The following SMARCAD1 variants were observed in gnomAD, a reference collection of about 807,000 sequenced individuals.
SMARCAD1 encodes the protein SWI/SNF-related matrix-associated actin-dependent regulator of chromatin subfamily A containing DEAD/H box 1.
SMARCAD1 carries 25 observed loss-of-function variants against 127.1 expected under a neutral mutation model. The ratio of observed to expected loss-of-function variants is 0.20; its 90% CI spans 0.14 to 0.27. SMARCAD1 has a LOEUF of 0.27. SMARCAD1 is among the 10% of genes least tolerant of loss of function. The probability of loss-of-function intolerance (pLI) is 1.00; values close to 1 mark genes in which losing one functional copy is unlikely to be tolerated. For synonymous variants in SMARCAD1, 400 were observed against 396.9 expected (o/e 1.01, Z -0.09); for missense variants, 807 against 1,206.0 (o/e 0.67, Z 4.90).
At chr4:94,239,280 A>G (rs1193567338) in intron 5 of SMARCAD1, among the ~76,000 whole-genome samples, 24 of 152,166 alleles carry the variant, frequency 1.6e-4, no homozygotes. Flanking sequence ...GACAGTTTTC[A>G]ACAAAAGACC....
chr4:94,210,886 A>G (rs567841764), intron 2 of SMARCAD1, among the ~76,000 whole-genome samples: 1 of 147,906 alleles, frequency 6.8e-6, no homozygotes, highest in Admixed American at 6.9e-5. Context: ...GTGAGCCTAG[A>G]TCACACCACT....
At chr4:94,211,633 TG>T (rs1742280328) in intron 2 of SMARCAD1, among the ~76,000 whole-genome samples, 1 of 152,198 alleles carries the variant, frequency 6.6e-6, no homozygotes, top group Admixed American at 6.5e-5. Flanking sequence ...TGACTAATCC[TG>T]TTATTTTATC....
At chr4:94,276,114 A>G (rs909232577) in intron 14 of SMARCAD1, among the ~76,000 whole-genome samples, 4 of 151,936 alleles carry the variant, frequency 2.6e-5, no homozygotes, top group Non-Finnish European at 5.9e-5. Flanking sequence ...ATTTTCTTTC[A>G]ATTATGTATT....
At position 94,278,628 on chromosome 4, in the gene SMARCAD1, T is replaced by C; in HGVS notation, c.2191T>C (p.Leu731=). 6.2e-7 allele frequency: 1 copy of C among 1,614,076 alleles called. No homozygotes were observed. ...RRVKEEVLKQ[L]PPKKDRIELC... is the part of the protein sequence containing the mutation. ...TTTTCTGTCTCAGGTTCTCAAGCAG[T>C]TACCCCCCAAGAAAGATCGAATTGA... is the stretch of plus-strand genomic sequence containing the variant. The change falls in exon 18 of 24, where the codon TTA becomes CTA. Residue 731 remains leucine, a synonymous_variant. Coordinates refer to ENST00000354268, the MANE Select transcript of SMARCAD1 (RefSeq NM_020159.5).
chr4:94,233,924 T>C (rs1298315161), intron 3 of SMARCAD1, 30 bp from the exon 4 acceptor site: 7 of 1,610,406 alleles, frequency 4.3e-6, no homozygotes, highest in South Asian at 2.2e-5. Flanking sequence ...ACATTAAAAA[T>C]GTTTTTTGCT....
At chr4:94,281,685 G>A in intron 21 of SMARCAD1, 95 bp downstream of exon 21, 1 of 853,784 alleles carries the variant, frequency 1.2e-6, no homozygotes, top group African/African-American at 1.7e-5. Context: ...GTATTTTGTT[G>A]TTTTTATGTT....
intron 2 of SMARCAD1, among the ~76,000 whole-genome samples, chr4:94,219,721 A>G (rs1259909715): frequency 6.6e-6 from 1 of 152,202 alleles, no homozygotes; most frequent in Non-Finnish European, 1.5e-5. Context: ...TTGTTTTTAT[A>G]TGGAAGGACA....
chr4:94,252,777 C>T lies in SMARCAD1; in HGVS notation c.1051C>T (p.Pro351Ser), dbSNP rs139839410. 20,030 of 1,611,880 alleles carry T rather than the reference C, an allele frequency of 0.012. 157 individuals carry two copies. Among genetic ancestry groups the T allele is most frequent in the Non-Finnish European group, 0.016 (18,674 of 1,179,440 alleles). ...NKKRKKNVFN[P>S]KRVVEDSEYD... Reference sequence around the variant, plus strand: ...GAAACGTAAAAAAAATGTTTTTAATCCAAAGAGAGTTGTTGAAGACTCTGA... The same window carrying T: ...GAAACGTAAAAAAAATGTTTTTAATTCAAAGAGAGTTGTTGAAGACTCTGA... The change falls in exon 9 of 24, where the codon CCA (proline) becomes TCA (serine). Residue 351 changes from proline (P) to serine (S), a missense_variant. This residue lies in a region of SMARCAD1 where 257 missense variants were observed against 303.4 expected (regional missense o/e 0.85). Transcript: ENST00000354268.
intron 6 of SMARCAD1, chr4:94,248,640 A>C (rs1175519578): frequency 7.2e-6 from 3 of 416,098 alleles, no homozygotes; most frequent in Non-Finnish European, 1.4e-5. Context: ...GCTCTGGTTT[A>C]ATTCTTCATC....
intron 6 of SMARCAD1, among the ~76,000 whole-genome samples, chr4:94,246,846 C>T (rs1748508316): frequency 6.6e-6 from 1 of 152,132 alleles, no homozygotes; most frequent in Non-Finnish European, 1.5e-5. Flanking sequence ...ATCATTAAAC[C>T]TGCCAAGATA....
intron 21 of SMARCAD1, 110 bp from the exon 22 acceptor site, chr4:94,283,011 G>GT (rs1560569970): frequency 5.8e-6 from 5 of 867,076 alleles, no homozygotes; most frequent in African/African-American, 5.1e-5. Context: ...AATACTAAGA[G>GT]ATGTACATAC....
rs2125956212 is a variant in SMARCAD1 at position 94,265,175 on chromosome 4, A to G, written c.1481+269A>G. On this transcript the variant is annotated intron_variant, in intron 10 of 23. Transcript: ENST00000354268. Reference sequence around the variant, plus strand: ...TGACCAGTGTCTTTTTTGCCTCATAACAGGTAATTGTTTATATAATCAGAG... The same window carrying G: ...TGACCAGTGTCTTTTTTGCCTCATAGCAGGTAATTGTTTATATAATCAGAG... Among the ~76,000 whole-genome samples, 4 of 152,056 alleles carry G rather than the reference A, an allele frequency of 2.6e-5. No homozygotes were observed. In the South Asian group the frequency reaches 8.3e-4, roughly 31 times the overall value.
chr4:94,273,744 T>A, intron 12 of SMARCAD1, 28 bp downstream of exon 12: 1 of 1,542,052 alleles, frequency 6.5e-7, no homozygotes, highest in Non-Finnish European at 9.0e-7. Context: ...CAACTGTATT[T>A]AACTTTATCA....
At chr4:94,243,432 G>A (rs1579157133) in intron 6 of SMARCAD1, among the ~76,000 whole-genome samples, 1 of 152,094 alleles carries the variant, frequency 6.6e-6, no homozygotes, top group Non-Finnish European at 1.5e-5. Context: ...CCAATGCTCC[G>A]TTTTAGGCTA....
chr4:94,274,781 G>C lies in SMARCAD1; in HGVS notation c.1716G>C (p.Lys572Asn), dbSNP rs1409646546. Residue 572 changes from lysine (K) to asparagine (N), a missense_variant, in exon 13 of 24, where the codon AAG becomes AAC. Coordinates refer to ENST00000354268, the MANE Select transcript of SMARCAD1 (RefSeq NM_020159.5). ...TTAATTTATGGTGCCCTACTTTGAAGGTCCTCTGTTACTATGGTAAGAATA... is the reference window on the plus strand; with the variant it reads ...TTAATTTATGGTGCCCTACTTTGAACGTCCTCTGTTACTATGGTAAGAATA... The part of the protein sequence containing the change: ...REVNLWCPTL[K>N]VLCYYGSQEE... The C allele has an allele frequency of 6.2e-7, 1 of 1,613,850 alleles. No homozygotes were observed. Among genetic ancestry groups the C allele is most frequent in the Non-Finnish European group, 8.5e-7 (1 of 1,179,816 alleles).
chr4:94,207,655 G>A (rs1342348105), upstream of SMARCAD1: 2 of 154,518 alleles, frequency 1.3e-5, no homozygotes, highest in Admixed American at 6.4e-5. Context: ...GGAAGGTCCC[G>A]GCACGGCTAC....
intron 3 of SMARCAD1, among the ~76,000 whole-genome samples, chr4:94,232,309 G>A (rs188322230): frequency 6.6e-6 from 1 of 152,256 alleles, no homozygotes; most frequent in African/African-American, 2.4e-5. Context: ...AGATCATTGA[G>A]TCTGATCACT....
At chr4:94,270,691 A>G in intron 10 of SMARCAD1, 37 bp from the exon 11 acceptor site, 1 of 1,536,242 alleles carries the variant, frequency 6.5e-7, no homozygotes, top group East Asian at 2.3e-5. Flanking sequence ...TGATAGAAAT[A>G]TAGATGTGTA....
At chr4:94,226,880 T>G (rs1745103544) in intron 3 of SMARCAD1, among the ~76,000 whole-genome samples, 1 of 151,944 alleles carries the variant, frequency 6.6e-6, no homozygotes, top group Admixed American at 6.6e-5. Flanking sequence ...TTTTTCTTGT[T>G]TTTTCTAGAG....
Sources: allele counts gnomAD v4.1 joint callset (sites outside exome capture counted in the v4.1 genomes callset), GRCh38; gene constraint gnomAD v4.1.1; regional missense constraint gnomAD v4.1.1; transcripts MANE v1.5; gene names NCBI Gene and HGNC (gene_info 2026-07-23, HGNC 2026-07-21).